SGCD: variants seen among roughly 807,000 people sequenced by gnomAD.
The protein encoded by SGCD is sarcoglycan delta, also known as delta-sarcoglycan.
A neutral mutation model predicts 36.6 loss-of-function variants in SGCD; 18 were observed. The observed-to-expected ratio is 0.49, with a 90% CI of 0.34 to 0.73. SGCD has a LOEUF of 0.73. SGCD is among the 30% of genes least tolerant of loss of function. The probability of loss-of-function intolerance (pLI) is 0.01; values close to 1 mark genes in which losing one functional copy is unlikely to be tolerated. For missense variants in SGCD, 387 were observed against 346.7 expected (o/e 1.12, Z -0.92); for synonymous variants, 133 against 130.6 (o/e 1.02, Z -0.12).
At chr5:156,504,351 A>T (rs192313042) in intron 3 of SGCD, among the ~76,000 whole-genome samples, 5 of 148,442 alleles carry the variant, frequency 3.4e-5, no homozygotes, top group African/African-American at 1.2e-4. Context: ...TTCCTTGAGA[A>T]TTTTTGTTAT....
At chr5:156,558,761 G>A (rs1223499633) in intron 4 of SGCD, among the ~76,000 whole-genome samples, 1 of 152,198 alleles carries the variant, frequency 6.6e-6, no homozygotes, top group Admixed American at 6.5e-5. Context: ...GATACTGTGT[G>A]TAAGGAATTT....
rs770976607 is a variant in SGCD at position 156,678,994 on chromosome 5, G to T, written c.575+31458G>T. Among the ~76,000 whole-genome samples, 3 of 152,280 alleles carry T rather than the reference G, an allele frequency of 2.0e-5. No homozygotes were observed. The East Asian group carries it at 5.8e-4, about 29-fold the overall frequency. On this transcript the variant is annotated intron_variant, in intron 7 of 8. Coordinates refer to ENST00000337851, the MANE Select transcript of SGCD (RefSeq NM_000337.6). The stretch of plus-strand genomic sequence containing the variant: ...TAGTTCTGATTCACATAAAAGTTCA[G>T]ATGAGTCTGTGAATATGGGAGGGAG...
At chr5:155,875,226 A>T (rs1394643371) in intron 1 of SGCD, among the ~76,000 whole-genome samples, 2 of 152,138 alleles carry the variant, frequency 1.3e-5, no homozygotes, top group East Asian at 3.9e-4. Flanking sequence ...GTAACATGTC[A>T]TGTCAGTGGT....
intron 3 of SGCD, among the ~76,000 whole-genome samples, chr5:156,481,129 G>T (rs1332543622): frequency 6.6e-6 from 1 of 152,072 alleles, no homozygotes. Flanking sequence ...TAATTAATAC[G>T]GTATAAAAGC....
At chr5:156,127,436 C>T (rs71591050) in intron 3 of SGCD, among the ~76,000 whole-genome samples, 1 of 151,684 alleles carries the variant, frequency 6.6e-6, no homozygotes, top group Non-Finnish European at 1.5e-5. Flanking sequence ...AGACCTGTTT[C>T]TAAAATAAAA....
chr5:156,083,663 C>CCTAG (rs1288653281), intron 1 of SGCD, among the ~76,000 whole-genome samples: 1 of 151,466 alleles, frequency 6.6e-6, no homozygotes, highest in Non-Finnish European at 1.5e-5. Context: ...TTTTCCAAGG[C>CCTAG]CTAGACCTTA....
At chr5:156,164,256 T>G (rs1218489530) in intron 3 of SGCD, among the ~76,000 whole-genome samples, 1 of 151,602 alleles carries the variant, frequency 6.6e-6, no homozygotes, top group African/African-American at 2.4e-5. Context: ...TTTTTGGACT[T>G]GAGGTTCAAT....
chr5:156,446,173 C>T (rs1753749100), intron 3 of SGCD, among the ~76,000 whole-genome samples: 3 of 152,072 alleles, frequency 2.0e-5, no homozygotes. Flanking sequence ...AGAGAGGTTT[C>T]CCTTGAAGCA....
At position 156,562,107 on chromosome 5, in the gene SGCD, A is replaced by G. The variant is rs76500103; in HGVS notation, c.295-27124A>G. ...TTTAGCTACTTGGGAGACATTAAAG[A>G]CAAAAATAGACCAAGATTCTGTACC... On this transcript the variant is annotated intron_variant, in intron 4 of 8. Transcript: ENST00000337851. Among the ~76,000 whole-genome samples, 145 of 152,346 alleles carry G rather than the reference A, an allele frequency of 9.5e-4. 4 individuals carry two copies. In the East Asian group the frequency reaches 0.024, roughly 26 times the overall value.
chr5:156,269,622 G>T (rs1157019269), intron 3 of SGCD, among the ~76,000 whole-genome samples: 1 of 151,984 alleles, frequency 6.6e-6, no homozygotes, highest in African/African-American at 2.4e-5. Context: ...TGGGAATTCT[G>T]GGAGGTACAA....
intron 7 of SGCD, among the ~76,000 whole-genome samples, chr5:156,734,215 C>A (rs1344940414): frequency 2.6e-5 from 4 of 152,116 alleles, no homozygotes; most frequent in African/African-American, 9.6e-5. Flanking sequence ...CCCCCAATCT[C>A]TTCTGGCTCA....
At chr5:156,728,115 A>G (rs568907489) in intron 7 of SGCD, among the ~76,000 whole-genome samples, 1 of 152,346 alleles carries the variant, frequency 6.6e-6, no homozygotes, top group East Asian at 1.9e-4. Context: ...GAAGACCAAA[A>G]GATAATCAGA....
chr5:155,739,462 T>C, the SGCD span, among the ~76,000 whole-genome samples: 8 of 152,348 alleles, frequency 5.3e-5, no homozygotes, highest in African/African-American at 1.9e-4. Flanking sequence ...TTAAGGGTAA[T>C]GTATAACCAT....
chr5:156,412,989 G>T (rs1772851230), intron 3 of SGCD, among the ~76,000 whole-genome samples: 1 of 151,474 alleles, frequency 6.6e-6, no homozygotes. Flanking sequence ...AGTAGAGACG[G>T]GGTTTCACCT....
At chr5:155,910,828 C>A (rs909475460) in intron 1 of SGCD, among the ~76,000 whole-genome samples, 1 of 152,140 alleles carries the variant, frequency 6.6e-6, no homozygotes, top group East Asian at 1.9e-4. Context: ...ATCCCCCAAT[C>A]TTATGATTCA....
At chr5:156,127,468 T>C (rs1762202516) in intron 3 of SGCD, among the ~76,000 whole-genome samples, 1 of 151,878 alleles carries the variant, frequency 6.6e-6, no homozygotes, top group South Asian at 2.1e-4. Flanking sequence ...AGAAAAGAAA[T>C]TAGCCAGGCA....
At chr5:155,907,572 G>A (rs1008364835) in intron 1 of SGCD, among the ~76,000 whole-genome samples, 2 of 152,094 alleles carry the variant, frequency 1.3e-5, no homozygotes, top group African/African-American at 4.8e-5. Context: ...AGGAGTTTAA[G>A]ACTTCAGAGG....
chr5:156,584,523 C>A (rs938776750), intron 4 of SGCD, among the ~76,000 whole-genome samples: 35 of 152,294 alleles, frequency 2.3e-4, no homozygotes, highest in African/African-American at 7.7e-4. Context: ...AAAGAGGGCA[C>A]ATTCACTACC....
chr5:156,005,041 C>T (rs771726060), intron 1 of SGCD, among the ~76,000 whole-genome samples: 8 of 152,096 alleles, frequency 5.3e-5, no homozygotes, highest in Non-Finnish European at 1.0e-4. Flanking sequence ...GCTGCTTCCC[C>T]GAAGTAGGCT....
Sources: allele counts gnomAD v4.1 joint callset (sites outside exome capture counted in the v4.1 genomes callset), GRCh38; gene constraint gnomAD v4.1.1; transcripts MANE v1.5; gene names NCBI Gene and HGNC (gene_info 2026-07-23, HGNC 2026-07-21).